ASH1L: variants seen among roughly 807,000 people sequenced by gnomAD.
ASH1L encodes ASH1 like histone lysine methyltransferase.
ASH1L carries 23 observed loss-of-function variants against 269.0 expected under a neutral mutation model. That is an observed-to-expected ratio of 0.09 (90% CI 0.06 to 0.12). The LOEUF (loss-of-function observed/expected upper bound fraction) is 0.12, where lower values mean the gene tolerates loss of function less well. Among genes scored for constraint, ASH1L ranks in the 10% least tolerant of loss-of-function variants. The pLI is 1.00. For synonymous variants in ASH1L, 1,187 were observed against 1,253.5 expected, an observed-to-expected ratio of 0.95 and a Z score of 1.12; for missense variants, 2,912 against 3,567.8, an observed-to-expected ratio of 0.82 and a Z score of 4.68.
At chr1:155,472,913 C>A (rs566812370) in intron 3 of ASH1L, among the ~76,000 whole-genome samples, 7 of 152,152 alleles carry the variant, frequency 4.6e-5, no homozygotes, top group African/African-American at 1.4e-4. Flanking sequence ...TCAGAGCTAC[C>A]CAAGGCTGTT....
At chr1:155,411,956 AAG>A (rs1455020471) in intron 6 of ASH1L, among the ~76,000 whole-genome samples, 1 of 151,822 alleles carries the variant, frequency 6.6e-6, no homozygotes, top group East Asian at 1.9e-4. Context: ...AAAACTCAAA[AAG>A]AGGCCGGGCG....
chr1:155,405,859 T>TG (rs1393198127), intron 6 of ASH1L, among the ~76,000 whole-genome samples: 1 of 138,722 alleles, frequency 7.2e-6, no homozygotes, highest in African/African-American at 2.7e-5. Context: ...TCAAAATAAA[T>TG]GGAAAGACAT....
chr1:155,510,755 A>ATT, intron 2 of ASH1L, among the ~76,000 whole-genome samples: 1 of 147,096 alleles, frequency 6.8e-6, no homozygotes, highest in Non-Finnish European at 1.5e-5. Context: ...CTGAAAACAC[A>ATT]TTTTTTTTTT....
At chr1:155,559,286 C>T (rs1026959291) in intron 1 of ASH1L, among the ~76,000 whole-genome samples, 2 of 152,132 alleles carry the variant, frequency 1.3e-5, no homozygotes, top group African/African-American at 2.4e-5. Flanking sequence ...CCCCTGTAAT[C>T]TCAGCACTTT....
At chr1:155,382,374 T>C (rs1272267891) in intron 7 of ASH1L, among the ~76,000 whole-genome samples, 2 of 152,136 alleles carry the variant, frequency 1.3e-5, no homozygotes, top group African/African-American at 2.4e-5. Context: ...GGCGGGCATC[T>C]GTAGTCCCAG....
At chr1:155,545,718 A>G (rs949947442) in intron 1 of ASH1L, among the ~76,000 whole-genome samples, 2 of 152,080 alleles carry the variant, frequency 1.3e-5, no homozygotes, top group African/African-American at 2.4e-5. Context: ...TCCATTAAAA[A>G]CTTATTTTAA....
intron 5 of ASH1L, among the ~76,000 whole-genome samples, chr1:155,434,716 G>C (rs1661939380): frequency 6.6e-6 from 1 of 151,938 alleles, no homozygotes. Flanking sequence ...AGCCAGGCAT[G>C]GTGGTGTGGT....
Position 155,438,943 on chromosome 1 carries a change from T to A in ASH1L, c.5212A>T (p.Ile1738Phe). 2 of 1,614,152 alleles carry A rather than the reference T, an allele frequency of 1.2e-6. No homozygotes were observed. The highest frequency in any genetic ancestry group is 1.7e-6 in the Non-Finnish European group (2 of 1,180,040). ...GAAGGTGGTGCAGAGGCAGTTGCAA[T>A]CACAGCATCAATACTTTTCTCCATG... ...EPMEKSIDAVIATASAPPSSS... is the reference protein window; with the variant it reads ...EPMEKSIDAVFATASAPPSSS... Residue 1738 changes from isoleucine to phenylalanine, a missense_variant, in exon 5 of 28, where the codon ATT becomes TTT. Coordinates refer to ENST00000392403, the MANE Select transcript of ASH1L (RefSeq NM_018489.3).
rs768416318 is a variant in ASH1L at position 155,481,508 on chromosome 1, T to C, written c.1362A>G (p.Glu454=). 118 of 1,614,178 alleles carry C rather than the reference T, an allele frequency of 7.3e-5. 1 individual carries two copies. The East Asian group carries it at 2.5e-3, about 35-fold the overall frequency. ...TGCTGGTGGCACTATCTTTCAGGGA[T>C]TCAGAAAGTTCCTGACTTTCCTGAT... ...INNQESQELS[E]SLKDSATSKT... is the part of the protein sequence containing the mutation. The change falls in exon 3 of 28, where the codon GAA becomes GAG. Residue 454 remains glutamate, a synonymous_variant. Coordinates refer to ENST00000392403, the MANE Select transcript of ASH1L (RefSeq NM_018489.3).
intron 1 of ASH1L, among the ~76,000 whole-genome samples, chr1:155,554,270 T>C (rs1283554012): frequency 2.0e-5 from 3 of 151,588 alleles, no homozygotes; most frequent in East Asian, 1.9e-4. Flanking sequence ...TTTTAATTTA[T>C]GTATTTACTT....
In ASH1L at chr1:155,338,254, C is replaced by T. The variant is rs749117083; in HGVS notation, c.8638G>A (p.Glu2880Lys). ...ANEIPSLEEPEREGATANVSE... is the reference protein window; with the variant it reads ...ANEIPSLEEPKREGATANVSE... ...ACGTTAGCAGTGGCCCCTTCCCGTT[C>T]TGGCTCCTCCAGGCTGGGTATCTCA... The change falls in exon 27 of 28, where the codon GAA (glutamate) becomes AAA (lysine). Residue 2880 changes from glutamate (E) to lysine (K), a missense_variant. Transcript: ENST00000392403. The T allele has an allele frequency of 1.7e-5, 28 of 1,613,926 alleles. No homozygotes were observed. Among genetic ancestry groups the T allele is most frequent in the Non-Finnish European group, 7.6e-6 (9 of 1,180,016 alleles).
At position 155,521,145 on chromosome 1, in the gene ASH1L, A is replaced by G. The variant is rs892376489; in HGVS notation, c.375T>C (p.Ser125=). 1.2e-6 allele frequency: 2 copies of G among 1,608,988 alleles called. No homozygotes were observed. The highest frequency in any genetic ancestry group is 1.7e-5 in the Admixed American group (1 of 58,914). The stretch of plus-strand genomic sequence containing the variant: ...CATTCTTTTCATCCGTCATCTTTCC[A>G]CTTTTAAGTGCTTTCCTTGGGTGCT... ...TIKHPRKALK[S]GKMTDEKNEH... Residue 125 remains serine (S), a synonymous_variant, in exon 2 of 28, where the codon AGT becomes AGC. Transcript: ENST00000392403.
rs534433171 is a variant in ASH1L, at chr1:155,562,206, G to A, written c.-153C>T. On this transcript the variant is annotated 5_prime_UTR_variant, in exon 1 of 28. Coordinates refer to ENST00000392403, the MANE Select transcript of ASH1L (RefSeq NM_018489.3). ...AGCGATGAGAGTGCAGGGAAGTGGG[G>A]AAGAGGGGGTGGCCGCCAGGCTCCT... The A allele has an allele frequency of 4.3e-5, 70 of 1,609,232 alleles. No individual in the cohort carries two copies. In the African/African-American group the frequency reaches 6.5e-4, roughly 15 times the overall value.
intron 15 of ASH1L, among the ~76,000 whole-genome samples, chr1:155,356,425 G>A (rs1026393782): frequency 1.3e-5 from 2 of 151,814 alleles, no homozygotes; most frequent in Non-Finnish European, 2.9e-5. Context: ...ACAAGGTCAG[G>A]AGATCGAGAC....
chr1:155,349,274 T>C, intron 19 of ASH1L, 53 bp downstream of exon 19: 4 of 1,578,540 alleles, frequency 2.5e-6, no homozygotes, highest in Non-Finnish European at 3.4e-6. Context: ...ACTTCTAGAC[T>C]AATTCTTTTC....
rs755568171 is a variant in ASH1L, at chr1:155,521,486, C to G, written c.34G>C (p.Gly12Arg). 3 of 1,613,732 alleles carry G rather than the reference C, an allele frequency of 1.9e-6. No individual in the cohort carries two copies. Residue 12 changes from glycine (G) to arginine (R), a missense_variant, in exon 2 of 28, where the codon GGT (glycine) becomes CGT (arginine). Coordinates refer to ENST00000392403, the MANE Select transcript of ASH1L (RefSeq NM_018489.3). The stretch of plus-strand genomic sequence containing the variant: ...CTTGAAAAACCTTCGGAATCAGAAC[C>G]CAATCCTAACATAGCAGTATTTCTA... ...DPRNTAMLGLGSDSEGFSRKS... is the reference protein window; with the variant it reads ...DPRNTAMLGLRSDSEGFSRKS...
chr1:155,369,636 CTTTT>C (rs959075503), intron 12 of ASH1L, among the ~76,000 whole-genome samples: 10 of 152,164 alleles, frequency 6.6e-5, no homozygotes, highest in Admixed American at 5.9e-4. Flanking sequence ...TCCAGATTCA[CTTTT>C]TTTATTTCTC....
At chr1:155,447,442 C>T (rs1290224604) in intron 4 of ASH1L, among the ~76,000 whole-genome samples, 1 of 152,062 alleles carries the variant, frequency 6.6e-6, no homozygotes, top group Non-Finnish European at 1.5e-5. Context: ...TTGCTCAAGG[C>T]TGGTCTCGAA....
intron 5 of ASH1L, among the ~76,000 whole-genome samples, chr1:155,432,698 T>A (rs150213682): frequency 1.6e-4 from 24 of 152,214 alleles, no homozygotes; most frequent in African/African-American, 5.8e-4. Flanking sequence ...ACCATGATAC[T>A]AGAATTTGCT....
Sources: allele counts gnomAD v4.1 joint callset (sites outside exome capture counted in the v4.1 genomes callset), GRCh38; gene constraint gnomAD v4.1.1; transcripts MANE v1.5; gene names NCBI Gene and HGNC (gene_info 2026-07-23, HGNC 2026-07-21).